KCNJ3: variants seen among roughly 807,000 people sequenced by gnomAD.
The protein encoded by KCNJ3 is potassium inwardly rectifying channel subfamily J member 3, also known as G protein-activated inward rectifier potassium channel 1.
KCNJ3 carries 4 observed loss-of-function variants against 39.2 expected under a neutral mutation model. The observed-to-expected ratio is 0.10, with a 90% confidence interval of 0.05 to 0.23. KCNJ3 has a LOEUF of 0.23. Ranked by LOEUF, KCNJ3 falls within the 10% of genes least tolerant of loss-of-function variation. The probability of loss-of-function intolerance (pLI) is 1.00; values close to 1 mark genes in which losing one functional copy is unlikely to be tolerated. For missense variants in KCNJ3, 276 were observed against 634.9 expected, an observed-to-expected ratio of 0.43 and a Z score of 6.08; for synonymous variants, 230 against 237.4, an observed-to-expected ratio of 0.97 and a Z score of 0.29.
chr2:154,829,284 C>T (rs919613031), intron 2 of KCNJ3, among the ~76,000 whole-genome samples: 18 of 152,144 alleles, frequency 1.2e-4, no homozygotes, highest in South Asian at 2.1e-4. Flanking sequence ...TCCTCCCAGC[C>T]GCTACCCTCA....
intron 1 of KCNJ3, among the ~76,000 whole-genome samples, chr2:154,707,903 A>C (rs1685040301): frequency 6.6e-6 from 1 of 152,122 alleles, no homozygotes; most frequent in African/African-American, 2.4e-5. Context: ...ATGTAGTTGG[A>C]AAGATGTTGG....
chr2:154,705,281 G>T (rs1273613337), intron 1 of KCNJ3, among the ~76,000 whole-genome samples: 3 of 152,108 alleles, frequency 2.0e-5, no homozygotes, highest in Non-Finnish European at 4.4e-5. Context: ...GAAGGAGGGG[G>T]GCCAAATGTG....
At chr2:154,821,207 C>T (rs1687167126) in intron 2 of KCNJ3, among the ~76,000 whole-genome samples, 1 of 152,088 alleles carries the variant, frequency 6.6e-6, no homozygotes, top group Admixed American at 6.5e-5. Flanking sequence ...TCATCTTGTG[C>T]ATTTTTTTGC....
rs1685072056 is a variant in KCNJ3, at chr2:154,709,776, G to T, written c.876G>T (p.Gln292His). The change falls in exon 2 of 3, where the codon CAG becomes CAT. Residue 292 changes from glutamine (Q) to histidine (H), a missense_variant. By Grantham distance (24) the Gln-to-His change is conservative. Around this residue, in one of 4 missense-constraint regions of KCNJ3, gnomAD observed 77 missense variants for 200.0 expected, o/e 0.38. Coordinates refer to ENST00000295101, the MANE Select transcript of KCNJ3 (RefSeq NM_002239.4). The part of the protein sequence containing the change: ...DLSQRSMQTE[Q>H]FEIVVILEGI... ...CCCAGCGAAGCATGCAAACTGAACA[G>T]TTCGAGATTGTCGTCATCCTAGAAG... 6.2e-7 allele frequency: 1 copy of T among 1,613,748 alleles called. No individual in the cohort carries two copies. Among genetic ancestry groups the T allele is most frequent in the Non-Finnish European group, 8.5e-7 (1 of 1,179,850 alleles).
At chr2:154,770,401 AT>A (rs1463441023) in intron 2 of KCNJ3, among the ~76,000 whole-genome samples, 1 of 151,298 alleles carries the variant, frequency 6.6e-6, no homozygotes, top group Non-Finnish European at 1.5e-5. Context: ...TGGGAGGAGC[AT>A]TTTTGGCAGC....
At chr2:154,767,633 G>A (rs1247586315) in intron 2 of KCNJ3, among the ~76,000 whole-genome samples, 2 of 152,108 alleles carry the variant, frequency 1.3e-5, no homozygotes, top group African/African-American at 2.4e-5. Context: ...TGTGAGTAGT[G>A]CCACAATAAA....
In KCNJ3 at chr2:154,736,056, G is replaced by T. The variant is rs576269657; in HGVS notation, c.919+26237G>T. ...GTCTCTATTAAATTCCTAGGCCAGC[G>T]TGTAAAATTTCTTGTGGCTTTCCTT... On this transcript the variant is annotated intron_variant, in intron 2 of 2. Transcript: ENST00000295101. 9.9e-5 allele frequency among the ~76,000 whole-genome samples: 15 copies of T among 152,182 alleles called. 1 individual carries two copies. In the South Asian group the frequency reaches 3.1e-3, roughly 32 times the overall value.
At chr2:154,783,512 TA>T (rs1686475604) in intron 2 of KCNJ3, among the ~76,000 whole-genome samples, 1 of 152,202 alleles carries the variant, frequency 6.6e-6, no homozygotes, top group Non-Finnish European at 1.5e-5. Flanking sequence ...TAATAATACT[TA>T]CATGGCTTAT....
intron 2 of KCNJ3, among the ~76,000 whole-genome samples, chr2:154,833,454 C>G (rs1045935987): frequency 6.6e-6 from 1 of 152,144 alleles, no homozygotes; most frequent in Non-Finnish European, 1.5e-5. Flanking sequence ...ATGTTCCCCC[C>G]AGCCCAATCT....
chr2:154,830,639 T>C (rs555304347), intron 2 of KCNJ3, among the ~76,000 whole-genome samples: 14 of 152,242 alleles, frequency 9.2e-5, no homozygotes, highest in African/African-American at 3.1e-4. Context: ...TATAGAAACT[T>C]GAGACTTGAG....
intron 2 of KCNJ3, among the ~76,000 whole-genome samples, chr2:154,766,856 A>C (rs952995032): frequency 1.3e-5 from 2 of 152,018 alleles, no homozygotes; most frequent in African/African-American, 4.8e-5. Context: ...GCCTGGCCTA[A>C]TTTTTATTTT....
intron 2 of KCNJ3, among the ~76,000 whole-genome samples, chr2:154,848,502 C>T (rs1222783754): frequency 1.3e-5 from 2 of 152,012 alleles, no homozygotes; most frequent in East Asian, 3.9e-4. Flanking sequence ...TTTTCCCGTC[C>T]AGTAGGAAGA....
At chr2:154,810,432 C>T (rs1458117876) in intron 2 of KCNJ3, among the ~76,000 whole-genome samples, 1 of 151,944 alleles carries the variant, frequency 6.6e-6, no homozygotes, top group Non-Finnish European at 1.5e-5. Context: ...ACAGGCAAGA[C>T]AAGAACACTT....
chr2:154,761,384 G>A (rs2591167), intron 2 of KCNJ3, among the ~76,000 whole-genome samples: 114,883 of 152,072 alleles, frequency 0.76, 44,463 homozygotes, highest in South Asian at 0.85. Context: ...GCAATTGTAA[G>A]ATAAGTCATG....
chr2:154,765,208 C>T (rs966050329), intron 2 of KCNJ3, among the ~76,000 whole-genome samples: 3 of 152,154 alleles, frequency 2.0e-5, no homozygotes, highest in Admixed American at 6.5e-5. Context: ...GCAAACTCAC[C>T]TTCGATTGAG....
At chr2:154,709,466 G>T (rs1327719798) in intron 1 of KCNJ3, 137 bp from the exon 2 acceptor site, 6 of 833,692 alleles carry the variant, frequency 7.2e-6, no homozygotes, top group Non-Finnish European at 1.1e-5. Flanking sequence ...GAACATAGTT[G>T]CATAATGATT....
Position 154,699,592 on chromosome 2 carries a change from T to A in KCNJ3, c.702+115T>A. 1.6e-5 allele frequency: 23 copies of A among 1,440,408 alleles called. No individual in the cohort carries two copies. Among genetic ancestry groups the A allele is most frequent in the Non-Finnish European group, 2.1e-5 (23 of 1,097,698 alleles). The allele number at this position is 1,440,408 out of a possible 1,614,324, so 89.2% of individuals were successfully genotyped here. ...CCCTGGTTCTACCTATAGCCACAGG[T>A]AAACTTCCTTTTGGGGGGTTGGGGG... On this transcript the variant is annotated intron_variant, in intron 1 of 2. Coordinates refer to ENST00000295101, the MANE Select transcript of KCNJ3 (RefSeq NM_002239.4). The surrounding 1 kb of genome is among the most constrained non-coding windows in gnomAD (Gnocchi z 6.4).
At chr2:154,818,322 G>T (rs1182109694) in intron 2 of KCNJ3, among the ~76,000 whole-genome samples, 4 of 151,982 alleles carry the variant, frequency 2.6e-5, no homozygotes, top group African/African-American at 7.3e-5. Flanking sequence ...CACTGAAATG[G>T]CTAGGGAGGG....
At chr2:154,850,475 G>T (rs1687740412) in intron 2 of KCNJ3, among the ~76,000 whole-genome samples, 2 of 152,076 alleles carry the variant, frequency 1.3e-5, no homozygotes, top group African/African-American at 4.8e-5. Flanking sequence ...TTTGCAAAAA[G>T]AAGTACTCTC....
Sources: gnomAD v4.1 joint callset for allele counts (sites outside exome capture counted in the v4.1 genomes callset) on GRCh38, gnomAD v4.1.1 for gene constraint, gnomAD v4.1.1 regional missense constraint, Gnocchi (gnomAD v3.1) non-coding constraint, MANE v1.5 for transcripts, NCBI Gene and HGNC (gene_info 2026-07-23, HGNC 2026-07-21) for gene names.